Variants in TAFA1 observed in about 807,000 individuals in gnomAD.
TAFA1 encodes the protein TAFA chemokine like family member 1.
A neutral mutation model predicts 18.5 loss-of-function variants in TAFA1; 4 were observed. The observed-to-expected ratio is 0.22, with a 90% CI of 0.11 to 0.49. The LOEUF (loss-of-function observed/expected upper bound fraction) is 0.49, where lower values mean the gene tolerates loss of function less well. Ranked by LOEUF, TAFA1 falls within the 20% of genes least tolerant of loss-of-function variation. The pLI, the probability that TAFA1 is intolerant of heterozygous loss-of-function variation, is 0.98. For missense variants in TAFA1, 147 were observed against 169.0 expected (o/e 0.87, Z 0.72); for synonymous variants, 56 against 55.2 (o/e 1.01, Z -0.06).
At chr3:68,293,603 G>A (rs1307714958) in intron 2 of TAFA1, among the ~76,000 whole-genome samples, 5 of 152,188 alleles carry the variant, frequency 3.3e-5, no homozygotes, top group Admixed American at 3.3e-4. Context: ...TTGGGTCTCT[G>A]TAAGAATTAA....
intron 4 of TAFA1, 113 bp from the exon 5 acceptor site, chr3:68,544,373 A>G: frequency 1.8e-6 from 2 of 1,102,412 alleles, no homozygotes; most frequent in Non-Finnish European, 2.7e-6. Flanking sequence ...ATCACCTGAA[A>G]AAAAGCAACA....
intron 2 of TAFA1, among the ~76,000 whole-genome samples, chr3:68,413,102 T>C (rs2070745979): frequency 6.6e-6 from 1 of 152,210 alleles, no homozygotes; most frequent in Non-Finnish European, 1.5e-5. Flanking sequence ...CATTGTGTTT[T>C]TGATTTGCAT....
intron 4 of TAFA1, among the ~76,000 whole-genome samples, chr3:68,543,021 A>T (rs1316392263): frequency 1.3e-5 from 2 of 152,148 alleles, no homozygotes. Flanking sequence ...AGGTTTTAGG[A>T]TAAAGATCTG....
chr3:68,504,683 A>G (rs1186340382), intron 3 of TAFA1, among the ~76,000 whole-genome samples: 1 of 152,046 alleles, frequency 6.6e-6, no homozygotes, highest in African/African-American at 2.4e-5. Flanking sequence ...TTATCCCCTC[A>G]CCACAAATTT....
intron 2 of TAFA1, among the ~76,000 whole-genome samples, chr3:68,386,201 T>A (rs149765805): frequency 6.6e-6 from 1 of 152,138 alleles, no homozygotes; most frequent in Non-Finnish European, 1.5e-5. Context: ...GTTATCCTTA[T>A]TTTTTATATG....
chr3:68,508,710 CATAAT>C (rs2072801935), intron 3 of TAFA1, among the ~76,000 whole-genome samples: 1 of 151,924 alleles, frequency 6.6e-6, no homozygotes, highest in Non-Finnish European at 1.5e-5. Context: ...CACCAATAGA[CATAAT>C]ATATACAAAA....
chr3:68,229,322 A>T lies in TAFA1; in HGVS notation c.119-187958A>T, dbSNP rs181548240. Among the ~76,000 whole-genome samples the T allele has an allele frequency of 8.7e-3, 1,320 of 152,326 alleles. 5 individuals are homozygous for T. The highest frequency in any genetic ancestry group is 0.015 in the Non-Finnish European group (990 of 68,032). Reference sequence around the variant, plus strand: ...CTCTGTGAAATAAACATATATAACAAATCCTTATATGCTAGGTGAAAAAGT... The same window carrying T: ...CTCTGTGAAATAAACATATATAACATATCCTTATATGCTAGGTGAAAAAGT... On this transcript the variant is annotated intron_variant, in intron 2 of 4. Transcript: ENST00000478136.
chr3:68,190,473 G>C (rs148261988), intron 2 of TAFA1, among the ~76,000 whole-genome samples: 177 of 151,978 alleles, frequency 1.2e-3, no homozygotes, highest in African/African-American at 4.0e-3. Flanking sequence ...CCCTTTTAGA[G>C]TCCATCACCT....
At chr3:68,082,195 T>A (rs2064912375) in intron 2 of TAFA1, among the ~76,000 whole-genome samples, 1 of 151,126 alleles carries the variant, frequency 6.6e-6, no homozygotes, top group African/African-American at 2.5e-5. Flanking sequence ...GCGCACCCAC[T>A]GAGCTGCGCC....
At chr3:68,021,242 G>C (rs1413473235) in intron 2 of TAFA1, among the ~76,000 whole-genome samples, 1 of 148,992 alleles carries the variant, frequency 6.7e-6, no homozygotes, top group East Asian at 2.0e-4. Flanking sequence ...TGTCTGTGTG[G>C]TGTCACTAAT....
chr3:68,089,557 A>T (rs1476673032), intron 2 of TAFA1, among the ~76,000 whole-genome samples: 1 of 152,170 alleles, frequency 6.6e-6, no homozygotes, highest in African/African-American at 2.4e-5. Context: ...ACATTTATTT[A>T]TATTAGTAGT....
intron 2 of TAFA1, among the ~76,000 whole-genome samples, chr3:68,083,664 A>C (rs2064933004): frequency 6.6e-6 from 1 of 152,162 alleles, no homozygotes. Context: ...GCATCACTGC[A>C]GATCTGAGCA....
chr3:68,341,835 G>A (rs1021605096), intron 2 of TAFA1, among the ~76,000 whole-genome samples: 2 of 152,210 alleles, frequency 1.3e-5, no homozygotes, highest in Admixed American at 6.5e-5. Flanking sequence ...GGACCACAGA[G>A]TATAAACCAA....
At chr3:68,107,105 C>T (rs753013666) in intron 2 of TAFA1, among the ~76,000 whole-genome samples, 7 of 152,110 alleles carry the variant, frequency 4.6e-5, no homozygotes, top group Non-Finnish European at 1.0e-4. Context: ...AGGAGCCAAT[C>T]ATGCACATCT....
At chr3:68,322,101 G>A (rs1288416918) in intron 2 of TAFA1, among the ~76,000 whole-genome samples, 2 of 152,152 alleles carry the variant, frequency 1.3e-5, no homozygotes, top group East Asian at 3.9e-4. Context: ...AGGCCTAATG[G>A]CAGAGGAGGC....
At chr3:68,194,784 T>G (rs1387575979) in intron 2 of TAFA1, among the ~76,000 whole-genome samples, 2 of 151,734 alleles carry the variant, frequency 1.3e-5, no homozygotes, top group African/African-American at 4.8e-5. Context: ...TCCTTATCTT[T>G]AAAATGGCAG....
intron 2 of TAFA1, among the ~76,000 whole-genome samples, chr3:68,380,818 G>C (rs994673658): frequency 6.7e-6 from 1 of 150,266 alleles, no homozygotes; most frequent in Non-Finnish European, 1.5e-5. Context: ...CATTGCTTTT[G>C]GTGTTTTAGA....
At chr3:68,540,899 G>A (rs1481613724) in intron 4 of TAFA1, among the ~76,000 whole-genome samples, 2 of 152,142 alleles carry the variant, frequency 1.3e-5, no homozygotes, top group Non-Finnish European at 1.5e-5. Context: ...TGTTGCAGAT[G>A]CACCCTAGAC....
chr3:68,532,217 T>C (rs1363902484), intron 3 of TAFA1, among the ~76,000 whole-genome samples: 1 of 152,154 alleles, frequency 6.6e-6, no homozygotes, highest in Non-Finnish European at 1.5e-5. Context: ...ATAGAAAGAA[T>C]AGGGGCTCGG....
Sources: allele counts gnomAD v4.1 joint callset (sites outside exome capture counted in the v4.1 genomes callset), GRCh38; gene constraint gnomAD v4.1.1; transcripts MANE v1.5; gene names NCBI Gene and HGNC (gene_info 2026-07-23, HGNC 2026-07-21).